Variants in FBXL8 observed in about 807,000 individuals in gnomAD.
FBXL8 encodes F-box and leucine rich repeat protein 8, also known as F-box/LRR-repeat protein 8.
Under a neutral mutation model 8.2 loss-of-function variants are expected in FBXL8, and 13 were observed. The observed-to-expected ratio is 1.58, with a 90% CI of 1.03 to 2.51. FBXL8 has a LOEUF of 2.51. Ranked by LOEUF, FBXL8 falls within the 30% of genes most tolerant of loss-of-function variation. FBXL8 has a pLI of 0.00. For synonymous variants in FBXL8, 271 were observed against 260.5 expected (o/e 1.04, Z -0.39); for missense variants, 565 against 540.4 (o/e 1.05, Z -0.45).
Position 67,163,877 on chromosome 16 carries a change from G to GC in FBXL8, c.*57_*58insC, listed in dbSNP as rs372998678. The stretch of plus-strand genomic sequence containing the variant: ...CGTAAGCGCTCTGAGAGGGAACGGG[G>GC]GGGGTGTCCAGGCGCGCCCCGAGTG... On this transcript the variant is annotated 3_prime_UTR_variant, in exon 3 of 3. Transcript: ENST00000258200. 4 of 1,527,450 alleles carry GC rather than the reference G, an allele frequency of 2.6e-6. No individual in the cohort carries two copies. Among genetic ancestry groups the GC allele is most frequent in the Admixed American group, 2.0e-5 (1 of 50,968 alleles). The allele number at this position is 1,527,450 out of a possible 1,614,324, so 94.6% of individuals were successfully genotyped here. A position where few individuals can be genotyped will look rare whatever the true frequency, so the allele number is the denominator to read the frequency against.
rs374654506 is a variant in FBXL8 at position 67,161,901 on chromosome 16, C to T, written c.116C>T (p.Ala39Val). The T allele has an allele frequency of 4.3e-6, 7 of 1,611,190 alleles. No individual in the cohort carries two copies. The highest frequency in any genetic ancestry group is 4.0e-5 in the African/African-American group (3 of 74,924). Residue 39 changes from alanine to valine, a missense_variant, in exon 2 of 3, where the codon GCT becomes GTT. Coordinates refer to ENST00000258200, the MANE Select transcript of FBXL8 (RefSeq NM_018378.3). The stretch of plus-strand genomic sequence containing the variant: ...GTCTGCAGGGCCTGGGCCGCCGCTG[C>T]TACCTGCAGCGCCGTGTGGCACGAC... Reference protein sequence around the residue: ...ARVCRAWAAAATCSAVWHDTK... With the variant: ...ARVCRAWAAAVTCSAVWHDTK...
intron 1 of FBXL8, 188 bp from the exon 2 acceptor site, chr16:67,161,546 TC>T (rs1221964405): frequency 8.9e-6 from 4 of 448,002 alleles, no homozygotes; most frequent in Non-Finnish European, 1.6e-5. Flanking sequence ...CCTTACCCTT[TC>T]CGGAGAGCCT....
At chr16:67,162,644 C>T (rs1368151767) in intron 2 of FBXL8, 1 of 751,900 alleles carries the variant, frequency 1.3e-6, no homozygotes, top group Admixed American at 2.0e-5. Flanking sequence ...AGGTTTCATC[C>T]TGTGGCAGAC....
In FBXL8 at chr16:67,161,767, C is replaced by A. The variant is rs761948952; in HGVS notation, c.-19C>A. The A allele has an allele frequency of 6.3e-7, 1 of 1,579,698 alleles. No individual in the cohort carries two copies. ...CTATTGGGAGTGGCGGATCCTCCCACCCCAGCCGGATCTGGGCCATGGCCG... is the reference window on the plus strand; with the variant it reads ...CTATTGGGAGTGGCGGATCCTCCCAACCCAGCCGGATCTGGGCCATGGCCG... On this transcript the variant is annotated 5_prime_UTR_variant, in exon 2 of 3. Coordinates refer to ENST00000258200, the MANE Select transcript of FBXL8 (RefSeq NM_018378.3).
At chr16:67,161,555 C>A in intron 1 of FBXL8, 180 bp from the exon 2 acceptor site, 1 of 459,242 alleles carries the variant, frequency 2.2e-6, no homozygotes, top group Non-Finnish European at 3.8e-6. Flanking sequence ...TTCCGGAGAG[C>A]CTGATTTAGT....
intron 2 of FBXL8, chr16:67,162,332 T>C: frequency 4.4e-6 from 2 of 450,440 alleles, no homozygotes; most frequent in Non-Finnish European, 4.0e-6. Flanking sequence ...TATCTCAAAA[T>C]AATAATAATA....
intron 2 of FBXL8, chr16:67,162,299 A>C (rs184523434): frequency 9.1e-6 from 4 of 437,244 alleles, no homozygotes; most frequent in African/African-American, 5.9e-5. Flanking sequence ...ACTGCACTCC[A>C]GCTTGGCGAC....
chr16:67,163,020 G>A lies in FBXL8; in HGVS notation c.325G>A (p.Glu109Lys), dbSNP rs1202075826. 1 of 1,556,918 alleles carries A rather than the reference G, an allele frequency of 6.4e-7. No homozygotes were observed. Among genetic ancestry groups the A allele is most frequent in the African/African-American group, 1.4e-5 (1 of 73,426 alleles). The change falls in exon 3 of 3, where the codon GAG (glutamate) becomes AAG (lysine). Residue 109 changes from glutamate (E) to lysine (K), a missense_variant. Physicochemically the swap from Glu to Lys is moderately conservative, Grantham distance 56. Coordinates refer to ENST00000258200, the MANE Select transcript of FBXL8 (RefSeq NM_018378.3). ...CCCGGGGCTGCGAGGCCTGCGCCTG[G>A]AGTGCCGCGGAGAAAAACCGCTCTT... ...RAPGLRGLRL[E>K]CRGEKPLFDA...
Position 67,163,150 on chromosome 16 carries a change from C to T in FBXL8, c.455C>T (p.Ala152Val), listed in dbSNP as rs780264300. 6.4e-7 allele frequency: 1 copy of T among 1,568,578 alleles called. No individual in the cohort carries two copies. The highest frequency in any genetic ancestry group is 1.2e-5 in the South Asian group (1 of 86,020). Reference protein sequence around the residue: ...LRRLSFTLDDALVLQAARSCP... With the variant: ...LRRLSFTLDDVLVLQAARSCP... ...CGCTTGTCCTTCACACTGGACGACGCGCTGGTGCTGCAGGCGGCGCGCAGC... is the reference window on the plus strand; with the variant it reads ...CGCTTGTCCTTCACACTGGACGACGTGCTGGTGCTGCAGGCGGCGCGCAGC... The change falls in exon 3 of 3, where the codon GCG (alanine) becomes GTG (valine). Residue 152 changes from alanine to valine, a missense_variant. Coordinates refer to ENST00000258200, the MANE Select transcript of FBXL8 (RefSeq NM_018378.3).
intron 2 of FBXL8, 187 bp downstream of exon 2, chr16:67,162,124 G>A (rs2030933863): frequency 1.5e-6 from 1 of 658,312 alleles, no homozygotes; most frequent in Non-Finnish European, 2.4e-6. Flanking sequence ...GAGGTCAGGA[G>A]TTTGAGACCA....
intron 2 of FBXL8, 27 bp downstream of exon 2, chr16:67,161,964 C>T (rs371999405): frequency 6.4e-7 from 1 of 1,568,488 alleles, no homozygotes; most frequent in Non-Finnish European, 8.6e-7. Context: ...ACACTCCTCT[C>T]CCCACCGCCC....
chr16:67,163,690 A>G lies in FBXL8; in HGVS notation c.995A>G (p.Glu332Gly). 1 of 1,589,622 alleles carries G rather than the reference A, an allele frequency of 6.3e-7. No homozygotes were observed. Among genetic ancestry groups the G allele is most frequent in the Non-Finnish European group, 8.5e-7 (1 of 1,175,704 alleles). The stretch of plus-strand genomic sequence containing the variant: ...GCGGCGCGCTGCGCGGCCCTGCGCG[A>G]GGTGCATTGTTTCTGCGTGGTGAGC... Reference protein sequence around the residue: ...ELAARCAALREVHCFCVVSHS... With the variant: ...ELAARCAALRGVHCFCVVSHS... Residue 332 changes from glutamate to glycine, a missense_variant, in exon 3 of 3, where the codon GAG becomes GGG. By Grantham distance (98) the Glu-to-Gly change is moderately conservative. Coordinates refer to ENST00000258200, the MANE Select transcript of FBXL8 (RefSeq NM_018378.3).
At chr16:67,162,212 C>A in intron 2 of FBXL8, 1 of 389,966 alleles carries the variant, frequency 2.6e-6, no homozygotes, top group Non-Finnish European at 4.6e-6. Context: ...GCCTATAATT[C>A]TAGCTACTCG....
intron 2 of FBXL8, 27 bp downstream of exon 2, chr16:67,161,964 C>G (rs371999405): frequency 6.4e-7 from 1 of 1,568,370 alleles, no homozygotes; most frequent in Admixed American, 1.8e-5. Flanking sequence ...ACACTCCTCT[C>G]CCCACCGCCC....
rs2145915460 is a variant in FBXL8 at position 67,163,858 on chromosome 16, C to A, written c.*38C>A. 4.0e-6 allele frequency: 6 copies of A among 1,492,326 alleles called. No homozygotes were observed. Among genetic ancestry groups the A allele is most frequent in the East Asian group, 2.4e-5 (1 of 42,454 alleles). 92.4% of individuals were successfully genotyped at this position (1,492,326 alleles called of 1,614,324 possible). The stretch of plus-strand genomic sequence containing the variant: ...TCTCCCCCGTCCCCGTGGACGTAAG[C>A]GCTCTGAGAGGGAACGGGGGGGGTG... On this transcript the variant is annotated 3_prime_UTR_variant, in exon 3 of 3. Coordinates refer to ENST00000258200, the MANE Select transcript of FBXL8 (RefSeq NM_018378.3).
At chr16:67,162,823 C>T in intron 2 of FBXL8, 25 bp from the exon 3 acceptor site, 1 of 1,549,770 alleles carries the variant, frequency 6.5e-7, no homozygotes, top group Non-Finnish European at 8.7e-7. Flanking sequence ...CAGCTGAGGC[C>T]TTTTCTGCAC....
intron 1 of FBXL8, 73 bp from the exon 2 acceptor site, chr16:67,161,662 T>C: frequency 7.9e-7 from 1 of 1,263,862 alleles, no homozygotes; most frequent in South Asian, 1.6e-5. Flanking sequence ...CCACAAGCAT[T>C]TGTACACCTA....
intron 2 of FBXL8, chr16:67,162,298 C>T: frequency 6.9e-6 from 3 of 435,070 alleles, no homozygotes; most frequent in Non-Finnish European, 1.2e-5. Flanking sequence ...CACTGCACTC[C>T]AGCTTGGCGA....
chr16:67,160,119 TA>T (rs1278038981), intron 1 of FBXL8, 63 bp downstream of exon 1: 1 of 152,172 alleles, frequency 6.6e-6, no homozygotes, highest in Non-Finnish European at 1.5e-5. Context: ...TTGCGATTCT[TA>T]CGAGGCGGGG....
Sources: gnomAD v4.1 joint callset for allele counts on GRCh38, gnomAD v4.1.1 for gene constraint, MANE v1.5 for transcripts, NCBI Gene and HGNC (gene_info 2026-07-23, HGNC 2026-07-21) for gene names.